PDS5B: variants seen among roughly 807,000 people sequenced by gnomAD.
PDS5B encodes the protein PDS5 cohesin associated factor B, also known as sister chromatid cohesion protein PDS5 homolog B.
In PDS5B, 51 loss-of-function variants were observed where a neutral mutation model predicts 184.1. The ratio of observed to expected loss-of-function variants is 0.28; its 90% CI spans 0.22 to 0.35. The LOEUF is 0.35. Among genes scored for constraint, PDS5B ranks in the 10% least tolerant of loss-of-function variants. The pLI is 1.00. For missense variants in PDS5B, 1,180 were observed against 1,723.3 expected (o/e 0.68, Z 5.58); for synonymous variants, 566 against 569.2 (o/e 0.99, Z 0.08).
chr13:32,605,427 C>G (rs1270868001), intron 1 of PDS5B, among the ~76,000 whole-genome samples: 32 of 152,146 alleles, frequency 2.1e-4, no homozygotes, highest in Admixed American at 2.1e-3. Flanking sequence ...TTGCACTGTG[C>G]TCTGAGAGAC....
chr13:32,738,053 CTG>C (rs1340970681), intron 21 of PDS5B, among the ~76,000 whole-genome samples: 2 of 152,216 alleles, frequency 1.3e-5, no homozygotes, highest in African/African-American at 2.4e-5. Flanking sequence ...CTAAATCTAA[CTG>C]TGGTTCATTC....
At chr13:32,657,405 G>A (rs535534938) in intron 3 of PDS5B, among the ~76,000 whole-genome samples, 3 of 152,130 alleles carry the variant, frequency 2.0e-5, no homozygotes, top group Admixed American at 2.0e-4. Flanking sequence ...TCTGTTTTCT[G>A]TTTGCTTGGT....
At chr13:32,670,375 T>C (rs2140749621) in intron 7 of PDS5B, among the ~76,000 whole-genome samples, 1 of 152,198 alleles carries the variant, frequency 6.6e-6, no homozygotes, top group East Asian at 1.9e-4. Context: ...AAACACCATG[T>C]CTGGTGAATT....
At chr13:32,760,019 C>CG (rs1954319792) in intron 29 of PDS5B, among the ~76,000 whole-genome samples, 1 of 151,844 alleles carries the variant, frequency 6.6e-6, no homozygotes, top group Non-Finnish European at 1.5e-5. Context: ...TGCAGTGGCG[C>CG]ATCTCGGCTC....
chr13:32,711,360 C>A (rs867238509), intron 19 of PDS5B, among the ~76,000 whole-genome samples: 1 of 151,572 alleles, frequency 6.6e-6, no homozygotes, highest in Non-Finnish European at 1.5e-5. Flanking sequence ...AGTAAGAAAC[C>A]TTATTATTTG....
chr13:32,656,405 A>G (rs556916834), intron 3 of PDS5B, among the ~76,000 whole-genome samples: 4 of 147,036 alleles, frequency 2.7e-5, no homozygotes, highest in African/African-American at 7.5e-5. Context: ...AATAGCATTT[A>G]ATTCAGTAAA....
At chr13:32,599,725 T>C (rs551780014) in intron 1 of PDS5B, among the ~76,000 whole-genome samples, 10 of 151,872 alleles carry the variant, frequency 6.6e-5, no homozygotes, top group African/African-American at 2.2e-4. Context: ...CCATCCTGGC[T>C]AACATGGTGA....
intron 31 of PDS5B, among the ~76,000 whole-genome samples, chr13:32,765,689 C>T (rs541686144): frequency 4.1e-4 from 63 of 152,334 alleles, no homozygotes; most frequent in East Asian, 1.4e-3. Context: ...CTGCAACCTC[C>T]GCTTCCCGGG....
At chr13:32,605,987 A>G (rs1485721169) in intron 1 of PDS5B, among the ~76,000 whole-genome samples, 2 of 151,918 alleles carry the variant, frequency 1.3e-5, no homozygotes, top group African/African-American at 4.8e-5. Flanking sequence ...GGTCTCCTGA[A>G]TACAGCATAC....
intron 1 of PDS5B, among the ~76,000 whole-genome samples, chr13:32,635,423 A>G (rs540073528): frequency 4.8e-5 from 7 of 146,108 alleles, no homozygotes; most frequent in Non-Finnish European, 9.0e-5. Flanking sequence ...GGCTCACTAC[A>G]ACCTCCGCCT....
intron 3 of PDS5B, among the ~76,000 whole-genome samples, chr13:32,655,106 T>G (rs1260249179): frequency 6.6e-6 from 1 of 151,958 alleles, no homozygotes; most frequent in African/African-American, 2.4e-5. Flanking sequence ...ATTGCCAAAC[T>G]GTTTTCCACA....
At chr13:32,624,723 A>C (rs2058346678) in intron 1 of PDS5B, among the ~76,000 whole-genome samples, 1 of 152,170 alleles carries the variant, frequency 6.6e-6, no homozygotes, top group African/African-American at 2.4e-5. Context: ...AACTCCACAG[A>C]AGATTTCAGT....
At chr13:32,591,207 C>CA (rs1311251843) in intron 1 of PDS5B, among the ~76,000 whole-genome samples, 6 of 152,102 alleles carry the variant, frequency 3.9e-5, no homozygotes, top group Non-Finnish European at 8.8e-5. Flanking sequence ...TGGCTCACCA[C>CA]AACCTCCACC....
intron 25 of PDS5B, among the ~76,000 whole-genome samples, chr13:32,754,603 G>A (rs776110485): frequency 1.3e-5 from 2 of 151,662 alleles, no homozygotes; most frequent in Non-Finnish European, 2.9e-5. Context: ...CCTTCCTTAC[G>A]CTGGAAAATG....
intron 23 of PDS5B, among the ~76,000 whole-genome samples, chr13:32,743,217 C>T (rs536558469): frequency 2.3e-4 from 35 of 152,174 alleles, no homozygotes; most frequent in South Asian, 1.7e-3. Flanking sequence ...TTGAAAACTA[C>T]TGGACTCTGG....
Position 32,773,318 on chromosome 13 carries a change from A to G in PDS5B, c.4302A>G (p.Thr1434=). 1.2e-6 allele frequency: 2 copies of G among 1,610,892 alleles called. No homozygotes were observed. The highest frequency in any genetic ancestry group is 1.7e-6 in the Non-Finnish European group (2 of 1,178,726). The change falls in exon 34 of 35, where the codon ACA becomes ACG. Residue 1434 remains threonine (T), a synonymous_variant. Transcript: ENST00000315596. ...QEETEEEEVS[T]VNVRRRSAKR... ...AAACAGAGGAGGAGGAAGTTTCTAC[A>G]GTAAATGTATGTGTTCAAAGTTTCT...
chr13:32,692,201 AAAGTATTT>A (rs562221638), intron 13 of PDS5B, among the ~76,000 whole-genome samples: 242 of 152,156 alleles, frequency 1.6e-3, no homozygotes, highest in Non-Finnish European at 2.7e-3. Flanking sequence ...TGGGGAAGAC[AAAGTATTT>A]CTTAGATTTC....
In PDS5B at chr13:32,692,414, C is replaced by CTTTTTTTTTTTTTTTT. The variant is rs1593440334; in HGVS notation, c.1470-1809_1470-1808insTTTTTTTTTTTTTTTT. Among the ~76,000 whole-genome samples the CTTTTTTTTTTTTTTTT allele has an allele frequency of 1.4e-3, 99 of 69,150 alleles. 42 individuals carry two copies. Among genetic ancestry groups the CTTTTTTTTTTTTTTTT allele is most frequent in the South Asian group, 1.7e-3 (3 of 1,810 alleles). The allele number at this position is 69,150 out of a possible 152,430, so 45.4% of individuals were successfully genotyped here. A position where few individuals can be genotyped will look rare whatever the true frequency, so the allele number is the denominator to read the frequency against. On this transcript the variant is annotated intron_variant, in intron 13 of 34. Coordinates refer to ENST00000315596, the MANE Select transcript of PDS5B (RefSeq NM_015032.4). ...ATTAAACAAGTTTGCGTCCAAAAAG[C>CTTTTTTTTTTTTTTTT]CTTTTTTTTTTTTTTTTTTTTTTTT...
chr13:32,620,980 C>T (rs993529726), intron 1 of PDS5B, among the ~76,000 whole-genome samples: 2 of 152,202 alleles, frequency 1.3e-5, no homozygotes, highest in Non-Finnish European at 2.9e-5. Flanking sequence ...CCACTAGCCA[C>T]ATTTCAAGTG....
Sources: gnomAD v4.1 joint callset for allele counts (sites outside exome capture counted in the v4.1 genomes callset) on GRCh38, gnomAD v4.1.1 for gene constraint, MANE v1.5 for transcripts, NCBI Gene and HGNC (gene_info 2026-07-23, HGNC 2026-07-21) for gene names.